Variants in ABTB2 observed in about 807,000 individuals in gnomAD.
The protein encoded by ABTB2 is ankyrin repeat and BTB/POZ domain-containing protein 2.
ABTB2 carries 56 observed loss-of-function variants against 104.1 expected under a neutral mutation model. That is an observed-to-expected ratio of 0.54 (90% CI 0.43 to 0.67). The LOEUF is 0.67. ABTB2 is among the 30% of genes least tolerant of loss of function. The pLI is 0.00. For missense variants in ABTB2, 1,279 were observed against 1,407.7 expected, an observed-to-expected ratio of 0.91 and a Z score of 1.46; for synonymous variants, 606 against 608.2, an observed-to-expected ratio of 1.00 and a Z score of 0.05.
intron 1 of ABTB2, among the ~76,000 whole-genome samples, chr11:34,327,729 C>T (rs769749028): frequency 1.3e-5 from 2 of 152,290 alleles, no homozygotes; most frequent in Admixed American, 1.3e-4. Context: ...ACTCTTCCCC[C>T]TCTCCCAGAT....
intron 1 of ABTB2, among the ~76,000 whole-genome samples, chr11:34,238,367 T>C (rs759572132): frequency 3.9e-5 from 6 of 152,232 alleles, no homozygotes; most frequent in Non-Finnish European, 7.3e-5. Flanking sequence ...CCATCAAATA[T>C]ATGATTCATT....
intron 1 of ABTB2, among the ~76,000 whole-genome samples, chr11:34,284,109 A>G (rs1419726944): frequency 6.6e-6 from 1 of 152,222 alleles, no homozygotes; most frequent in Admixed American, 6.5e-5. Context: ...ACGAGCCCCC[A>G]GGTAATGCCG....
intron 1 of ABTB2, among the ~76,000 whole-genome samples, chr11:34,323,906 C>CTTTTTTTTTTTT (rs56375939): frequency 4.7e-5 from 3 of 63,878 alleles, no homozygotes; most frequent in Non-Finnish European, 5.3e-5. Flanking sequence ...TAAATTCCCT[C>CTTTTTTTTTTTT]TTTTTTTTTT....
Position 34,193,150 on chromosome 11 carries a change from G to A in ABTB2, c.1244+4175C>T, listed in dbSNP as rs534440984. On this transcript the variant is annotated intron_variant, in intron 3 of 16. Coordinates refer to ENST00000435224, the MANE Select transcript of ABTB2 (RefSeq NM_145804.3). ...CAGACCTCAGAGGAAGGAGGCTCCC[G>A]ATCTCCCTGGGCAACCTGGATCCCT... 7.2e-5 allele frequency among the ~76,000 whole-genome samples: 11 copies of A among 152,304 alleles called. No homozygotes were observed. The South Asian group carries it at 8.3e-4, about 12-fold the overall frequency.
At chr11:34,246,847 C>CTTTTTT (rs199831054) in intron 1 of ABTB2, among the ~76,000 whole-genome samples, 2 of 118,272 alleles carry the variant, frequency 1.7e-5, no homozygotes, top group African/African-American at 3.2e-5. Context: ...TTTCTTTTTT[C>CTTTTTT]TTTTTTTTTT....
intron 3 of ABTB2, among the ~76,000 whole-genome samples, chr11:34,173,861 C>T (rs1360077154): frequency 6.6e-6 from 1 of 152,226 alleles, no homozygotes; most frequent in Non-Finnish European, 1.5e-5. Flanking sequence ...GGTTCTCCAT[C>T]TGTAGCACAC....
chr11:34,303,241 G>A (rs10836183), intron 1 of ABTB2, among the ~76,000 whole-genome samples: 42,704 of 152,100 alleles, frequency 0.28, 6,365 homozygotes, highest in East Asian at 0.48. Context: ...CCTGTGCTGA[G>A]CACTTCCTAG....
intron 1 of ABTB2, among the ~76,000 whole-genome samples, chr11:34,277,122 G>A (rs559373247): frequency 3.9e-5 from 6 of 152,142 alleles, no homozygotes; most frequent in South Asian, 4.2e-4. Context: ...GGCTGGTCTC[G>A]AACTCCTGAC....
At chr11:34,184,822 T>C (rs1006127478) in intron 3 of ABTB2, among the ~76,000 whole-genome samples, 1 of 152,230 alleles carries the variant, frequency 6.6e-6, no homozygotes, top group Admixed American at 6.5e-5. Context: ...ACTGCAGCCA[T>C]GTGCCAGGGA....
chr11:34,268,608 A>T (rs1344967545), intron 1 of ABTB2, among the ~76,000 whole-genome samples: 1 of 152,254 alleles, frequency 6.6e-6, no homozygotes, highest in Admixed American at 6.5e-5. Context: ...TGGGCCAGCC[A>T]CTGCGTGAGT....
intron 3 of ABTB2, among the ~76,000 whole-genome samples, chr11:34,196,302 C>T (rs2001745): frequency 0.056 from 8,557 of 152,242 alleles, 655 homozygotes; most frequent in African/African-American, 0.18. Flanking sequence ...GCCTGTAATC[C>T]CAGCACTTTG....
At chr11:34,246,601 C>CAAAAAAAAAAA (rs60681759) in intron 1 of ABTB2, among the ~76,000 whole-genome samples, 3 of 34,776 alleles carry the variant, frequency 8.6e-5, no homozygotes, top group Admixed American at 5.0e-4. Context: ...AACTCCATCT[C>CAAAAAAAAAAA]AAAAAAAAAA....
Position 34,197,506 on chromosome 11 carries a change from G to T in ABTB2, c.1063C>A (p.Gln355Lys), listed in dbSNP as rs1373534300. ...CCCGGGCACAGGGGGTGACGCCCCTGCATGTGGTGCATGGCACGGGAGACC... is the reference window on the plus strand; with the variant it reads ...CCCGGGCACAGGGGGTGACGCCCCTTCATGTGGTGCATGGCACGGGAGACC... ...DLVSRAMHHM[Q>K]GRHPLCPGAS... The change falls in exon 3 of 17, where the codon CAG becomes AAG. Residue 355 changes from glutamine (Q) to lysine (K), a missense_variant. Physicochemically the swap from Gln to Lys is moderately conservative, Grantham distance 53. Coordinates refer to ENST00000435224, the MANE Select transcript of ABTB2 (RefSeq NM_145804.3). 7.0e-6 allele frequency: 11 copies of T among 1,579,912 alleles called. No homozygotes were observed. The highest frequency in any genetic ancestry group is 9.4e-6 in the Non-Finnish European group (11 of 1,167,528).
chr11:34,271,326 C>T (rs1225076594), intron 1 of ABTB2, among the ~76,000 whole-genome samples: 1 of 152,198 alleles, frequency 6.6e-6, no homozygotes, highest in Non-Finnish European at 1.5e-5. Flanking sequence ...TCTTTCAAAC[C>T]CTCACTGTGT....
chr11:34,317,422 A>T (rs886588962), intron 1 of ABTB2, among the ~76,000 whole-genome samples: 3 of 152,136 alleles, frequency 2.0e-5, no homozygotes, highest in Admixed American at 6.5e-5. Context: ...AGACTGCTCA[A>T]TAAGGGGGCA....
intron 3 of ABTB2, among the ~76,000 whole-genome samples, chr11:34,173,551 A>C (rs1852916596): frequency 6.6e-6 from 1 of 152,138 alleles, no homozygotes; most frequent in Non-Finnish European, 1.5e-5. Flanking sequence ...ACCCCTTGCA[A>C]GGGACCTGCT....
chr11:34,254,802 G>C (rs1050036080), intron 1 of ABTB2, among the ~76,000 whole-genome samples: 10 of 151,006 alleles, frequency 6.6e-5, no homozygotes, highest in Non-Finnish European at 8.8e-5. Context: ...CTCCCGAGTA[G>C]CTGGAATTAT....
intron 1 of ABTB2, among the ~76,000 whole-genome samples, chr11:34,263,071 G>A (rs1179177479): frequency 2.6e-5 from 4 of 152,226 alleles, no homozygotes; most frequent in Admixed American, 1.3e-4. Flanking sequence ...TCCGGAGGCC[G>A]GTTTAGCATC....
chr11:34,152,652 A>G, intron 16 of ABTB2, 68 bp from the exon 17 acceptor site: 3 of 1,448,860 alleles, frequency 2.1e-6, no homozygotes, highest in Non-Finnish European at 2.8e-6. Flanking sequence ...CTCACCCCCA[A>G]ATACTACCTA....
Sources: gnomAD v4.1 joint callset for allele counts (sites outside exome capture counted in the v4.1 genomes callset) on GRCh38, gnomAD v4.1.1 for gene constraint, MANE v1.5 for transcripts, NCBI Gene and HGNC (gene_info 2026-07-23, HGNC 2026-07-21) for gene names.